TMEM106A: variants seen among roughly 807,000 people sequenced by gnomAD.
TMEM106A encodes transmembrane protein 106A.
In TMEM106A, 22 loss-of-function variants were observed where a neutral mutation model predicts 25.1. The ratio of observed to expected loss-of-function variants is 0.88; its 90% confidence interval spans 0.63 to 1.25. The LOEUF is 1.25. TMEM106A is among the 50% of genes most tolerant of loss of function. The pLI is 0.00. For missense variants in TMEM106A, 275 were observed against 318.1 expected (o/e 0.86, Z 1.03); for synonymous variants, 104 against 129.9 (o/e 0.80, Z 1.35).
rs2057460104 is a variant in TMEM106A, at chr17:43,213,909, C to T, written c.275+18C>T. The T allele has an allele frequency of 1.2e-6, 2 of 1,613,972 alleles. No homozygotes were observed. Among genetic ancestry groups the T allele is most frequent in the South Asian group, 1.1e-5 (1 of 91,070 alleles). On this transcript the variant is annotated intron_variant, in intron 4 of 8. Coordinates refer to ENST00000612339, the MANE Select transcript of TMEM106A (RefSeq NM_145041.4). ...AAGCACACGTAAGCCCCCCTTCCTCCCCTAGCTTCACAAGCCATTGCCCCT... is the reference window on the plus strand; with the variant it reads ...AAGCACACGTAAGCCCCCCTTCCTCTCCTAGCTTCACAAGCCATTGCCCCT...
chr17:43,217,923 C>A lies in TMEM106A; in HGVS notation c.*122C>A. 1 of 1,417,712 alleles carries A rather than the reference C, an allele frequency of 7.1e-7. No homozygotes were observed. The highest frequency in any genetic ancestry group is 9.7e-7 in the Non-Finnish European group (1 of 1,034,826). The allele number at this position is 1,417,712 out of a possible 1,614,324, so 87.8% of individuals were successfully genotyped here. A position where few individuals can be genotyped will look rare whatever the true frequency, so the allele number is the denominator to read the frequency against. On this transcript the variant is annotated 3_prime_UTR_variant, in exon 9 of 9. Coordinates refer to ENST00000612339, the MANE Select transcript of TMEM106A (RefSeq NM_145041.4). Reference sequence around the variant, plus strand: ...AAGGAGAAGCCCTGCCTCATCACACCCTTACCTCCCACCCCCTCAGCACAG... The same window carrying A: ...AAGGAGAAGCCCTGCCTCATCACACACTTACCTCCCACCCCCTCAGCACAG...
chr17:43,215,725 C>T, intron 4 of TMEM106A, 63 bp from the exon 5 acceptor site: 1 of 1,583,488 alleles, frequency 6.3e-7, no homozygotes, highest in South Asian at 1.1e-5. Flanking sequence ...TGAACCCCCT[C>T]TCCGAGTTTC....
chr17:43,212,678 T>A (rs1003513529), intron 2 of TMEM106A, among the ~76,000 whole-genome samples: 3 of 152,118 alleles, frequency 2.0e-5, no homozygotes, highest in African/African-American at 7.2e-5. Flanking sequence ...CCAACTTCCT[T>A]CCCTTAAACT....
chr17:43,214,075 G>T lies in TMEM106A; in HGVS notation c.275+184G>T, dbSNP rs555754027. ...CCTGATTTAGAAGCTCCTGGACCGG[G>T]TGTGGTGGCTCATGCCTGTAATCCC... is the stretch of plus-strand genomic sequence containing the variant. On this transcript the variant is annotated intron_variant, in intron 4 of 8. Transcript: ENST00000612339. The T allele has an allele frequency of 5.1e-5, 31 of 602,284 alleles. No homozygotes were observed. The African/African-American group carries it at 5.4e-4, about 11-fold the overall frequency. 37.3% of individuals were successfully genotyped at this position (602,284 alleles called of 1,614,324 possible). A position where few individuals can be genotyped will look rare whatever the true frequency, so the allele number is the denominator to read the frequency against.
chr17:43,218,644 G>A lies in TMEM106A; in HGVS notation c.*843G>A, dbSNP rs1430638173. 1 of 152,184 alleles carries A rather than the reference G, an allele frequency of 6.6e-6. No individual in the cohort carries two copies. Among genetic ancestry groups the A allele is most frequent in the Non-Finnish European group, 1.5e-5 (1 of 68,044 alleles). The allele number at this position is 152,184 out of a possible 1,614,324, so 9.4% of individuals were successfully genotyped here. A position where few individuals can be genotyped will look rare whatever the true frequency, so the allele number is the denominator to read the frequency against. On this transcript the variant is annotated 3_prime_UTR_variant, in exon 9 of 9. Coordinates refer to ENST00000612339, the MANE Select transcript of TMEM106A (RefSeq NM_145041.4). ...CAACTGCACTCCAGCCTGGGCAAAA[G>A]AGCAAAACTTTGTCTCAAAAAAAGA...
At chr17:43,217,610 C>T (rs2057498513) in intron 8 of TMEM106A, 71 bp from the exon 9 acceptor site, 2 of 1,594,440 alleles carry the variant, frequency 1.3e-6, no homozygotes, top group South Asian at 1.1e-5. Context: ...TCCCCACCCC[C>T]AGACAGTATA....
Position 43,213,228 on chromosome 17 carries a change from C to T in TMEM106A, c.187C>T (p.Gln63Ter). The T allele has an allele frequency of 6.2e-7, 1 of 1,614,236 alleles. No homozygotes were observed. Residue 63 changes from glutamine (Q) to a stop codon, truncating the protein, a stop_gained, in exon 3 of 9, where the codon CAG becomes TAG. Transcript: ENST00000612339. LOFTEE classifies it high-confidence loss of function. ...DASFVTCPTC[Q>*]GSGKIPQELE... Reference sequence around the variant, plus strand: ...CAGCTTCGTGACTTGTCCCACCTGCCAGGGCAGTGGCAAGATTCCCCAAGG... The same window carrying T: ...CAGCTTCGTGACTTGTCCCACCTGCTAGGGCAGTGGCAAGATTCCCCAAGG...
chr17:43,219,314 G>A lies in TMEM106A; in HGVS notation c.*1513G>A, dbSNP rs1165873095. ...CAGCACATCAGCAGGGACTGGTCTAGACCCTCCCTTTCCTGTCACTTAGCT... is the reference window on the plus strand; with the variant it reads ...CAGCACATCAGCAGGGACTGGTCTAAACCCTCCCTTTCCTGTCACTTAGCT... On this transcript the variant is annotated 3_prime_UTR_variant, in exon 9 of 9. Coordinates refer to ENST00000612339, the MANE Select transcript of TMEM106A (RefSeq NM_145041.4). 1 of 152,176 alleles carries A rather than the reference G, an allele frequency of 6.6e-6. No homozygotes were observed. Among genetic ancestry groups the A allele is most frequent in the Non-Finnish European group, 1.5e-5 (1 of 68,048 alleles). 9.4% of individuals were successfully genotyped at this position (152,176 alleles called of 1,614,324 possible). A position where few individuals can be genotyped will look rare whatever the true frequency, so the allele number is the denominator to read the frequency against.
At chr17:43,217,236 C>T (rs1331108958) in intron 7 of TMEM106A, 23 bp from the exon 8 acceptor site, 12 of 1,613,870 alleles carry the variant, frequency 7.4e-6, no homozygotes, top group South Asian at 3.3e-5. Context: ...CGTGGTCCCA[C>T]GTTCTCTTTT....
At chr17:43,217,029 TG>T in intron 7 of TMEM106A, 2 of 628,174 alleles carry the variant, frequency 3.2e-6, no homozygotes, top group African/African-American at 1.8e-5. Flanking sequence ...GTCTCCTGAA[TG>T]GGGGTCCAGC....
At chr17:43,216,939 G>T (rs1490325418) in intron 7 of TMEM106A, 199 bp downstream of exon 7, 4 of 692,638 alleles carry the variant, frequency 5.8e-6, no homozygotes, top group South Asian at 3.6e-5. Context: ...TGAAAAACAG[G>T]CTGGAATTTG....
intron 4 of TMEM106A, among the ~76,000 whole-genome samples, chr17:43,215,258 A>G (rs2057474445): frequency 6.6e-6 from 1 of 152,178 alleles, no homozygotes; most frequent in Non-Finnish European, 1.5e-5. Context: ...AAAGAAAAAA[A>G]AAAGAAATTA....
In TMEM106A at chr17:43,213,188, A is replaced by G. The variant is rs1477460721; in HGVS notation, c.147A>G (p.Glu49=). The G allele has an allele frequency of 1.4e-5, 23 of 1,614,098 alleles. No individual in the cohort carries two copies. Among genetic ancestry groups the G allele is most frequent in the Admixed American group, 1.0e-4 (6 of 60,002 alleles). ...CTTTTTGTTCCTGTGTGCCTTGTGA[A>G]GGAACTGCTGATGCCAGCTTCGTGA... ...SKSFCSCVPC[E]GTADASFVTC... Residue 49 remains glutamate (E), a synonymous_variant, in exon 3 of 9, where the codon GAA becomes GAG. Transcript: ENST00000612339.
chr17:43,217,749 A>C lies in TMEM106A; in HGVS notation c.737A>C (p.Asp246Ala). The change falls in exon 9 of 9, where the codon GAC becomes GCC. Residue 246 changes from aspartate (D) to alanine (A), a missense_variant. Transcript: ENST00000612339. ...QLVFQSYEYVDCRGNASVPHQ... is the reference protein window; with the variant it reads ...QLVFQSYEYVACRGNASVPHQ... The stretch of plus-strand genomic sequence containing the variant: ...GTCTTTCAGAGCTATGAATATGTGG[A>C]CTGCCGAGGAAACGCATCTGTGCCC... 6.2e-7 allele frequency: 1 copy of C among 1,614,080 alleles called. No individual in the cohort carries two copies. Among genetic ancestry groups the C allele is most frequent in the Non-Finnish European group, 8.5e-7 (1 of 1,180,016 alleles).
intron 4 of TMEM106A, among the ~76,000 whole-genome samples, chr17:43,215,151 G>A (rs1425807018): frequency 1.3e-5 from 2 of 151,922 alleles, no homozygotes; most frequent in Non-Finnish European, 2.9e-5. Flanking sequence ...GCTGAGGCAG[G>A]AGAATGGCGT....
chr17:43,215,072 G>A (rs984406331), intron 4 of TMEM106A, among the ~76,000 whole-genome samples: 10 of 151,184 alleles, frequency 6.6e-5, no homozygotes, highest in Non-Finnish European at 5.9e-5. Flanking sequence ...TGGCAAAACC[G>A]CCTCTACTAA....
chr17:43,213,709 G>A, intron 3 of TMEM106A, 119 bp from the exon 4 acceptor site: 1 of 979,920 alleles, frequency 1.0e-6, no homozygotes. Context: ...TGGGGCAGAT[G>A]TGGCATGTTT....
rs763308767 is a variant in TMEM106A at position 43,213,887 on chromosome 17, C to T, written c.271C>T (p.His91Tyr). 1.9e-6 allele frequency: 3 copies of T among 1,614,064 alleles called. No homozygotes were observed. The highest frequency in any genetic ancestry group is 1.1e-5 in the South Asian group (1 of 91,090). Residue 91 changes from histidine (H) to tyrosine (Y), a missense_variant, in exon 4 of 9, where the codon CAC becomes TAC. Transcript: ENST00000612339. ...PYGDQRLKPK[H>Y]TKLFVFLAVL... ...TGGGGACCAGAGGCTGAAGCCCAAG[C>T]ACACGTAAGCCCCCCTTCCTCCCCT...
chr17:43,216,172 T>C, intron 5 of TMEM106A: 1 of 650,384 alleles, frequency 1.5e-6, no homozygotes, highest in East Asian at 2.7e-5. Context: ...ACCACAGGGG[T>C]GGAGTGGGGT....
Sources: allele counts gnomAD v4.1 joint callset (sites outside exome capture counted in the v4.1 genomes callset), GRCh38; gene constraint gnomAD v4.1.1; transcripts MANE v1.5; gene names NCBI Gene and HGNC (gene_info 2026-07-23, HGNC 2026-07-21).